The following NEDD1 variants were observed in gnomAD, a reference collection of about 807,000 sequenced individuals.
The protein encoded by NEDD1 is NEDD1 gamma-tubulin ring complex targeting factor.
A neutral mutation model predicts 74.0 loss-of-function variants in NEDD1; 33 were observed. That is an observed-to-expected ratio of 0.45 (90% confidence interval 0.34 to 0.60). The LOEUF is 0.60. Among genes scored for constraint, NEDD1 ranks in the 20% least tolerant of loss-of-function variants. The probability of loss-of-function intolerance (pLI) is 0.01; values close to 1 mark genes in which losing one functional copy is unlikely to be tolerated. For missense variants in NEDD1, 746 were observed against 776.5 expected (o/e 0.96, Z 0.47); for synonymous variants, 250 against 264.4 (o/e 0.95, Z 0.53).
At chr12:96,944,915 T>A (rs1243139227) in intron 13 of NEDD1, 120 bp downstream of exon 13, 5 of 699,146 alleles carry the variant, frequency 7.2e-6, no homozygotes, top group African/African-American at 1.9e-5. Context: ...GAGTTTAAAG[T>A]TTGTGGACAC....
chr12:96,946,294 C>A (rs1878195436), intron 14 of NEDD1, among the ~76,000 whole-genome samples: 1 of 152,110 alleles, frequency 6.6e-6, no homozygotes, highest in Admixed American at 6.6e-5. Flanking sequence ...AAAAAAAATT[C>A]TTTCTCAGAC....
intron 6 of NEDD1, among the ~76,000 whole-genome samples, chr12:96,922,002 G>A (rs1706426825): frequency 6.6e-6 from 1 of 152,138 alleles, no homozygotes; most frequent in African/African-American, 2.4e-5. Flanking sequence ...GGACCAATGT[G>A]AGAAAAGATT....
rs557249566 is a variant in NEDD1 at position 96,945,720 on chromosome 12, C to T, written c.1682C>T (p.Ala561Val). The T allele has an allele frequency of 4.4e-6, 7 of 1,603,588 alleles. No individual in the cohort carries two copies. The South Asian group carries it at 7.7e-5, about 18-fold the overall frequency. ...CCAAAGATAGCATCTTCTGTCACTGCTGGAGTTGCCAGTTCACTCTCAGAA... is the reference window on the plus strand; with the variant it reads ...CCAAAGATAGCATCTTCTGTCACTGTTGGAGTTGCCAGTTCACTCTCAGAA... Reference protein sequence around the residue: ...PNPKIASSVTAGVASSLSEKI... With the variant: ...PNPKIASSVTVGVASSLSEKI... The change falls in exon 14 of 16, where the codon GCT becomes GTT. Residue 561 changes from alanine to valine, a missense_variant. By Grantham distance (64) the Ala-to-Val change is moderately conservative. This residue lies in a region of NEDD1 where 706 missense variants were observed against 706.7 expected (regional missense o/e 1.00). Transcript: ENST00000266742.
chr12:96,914,583 G>A (rs1178924537), intron 4 of NEDD1, among the ~76,000 whole-genome samples: 1 of 152,018 alleles, frequency 6.6e-6, no homozygotes, highest in Non-Finnish European at 1.5e-5. Context: ...ATATTAATGT[G>A]CTAATAACCT....
rs970765284 is a variant in NEDD1 at position 96,920,991 on chromosome 12, T to C, written c.489+866T>C. Among the ~76,000 whole-genome samples the C allele has an allele frequency of 2.0e-5, 3 of 152,316 alleles. No homozygotes were observed. The East Asian group carries it at 5.8e-4, about 29-fold the overall frequency. On this transcript the variant is annotated intron_variant, in intron 6 of 15. Coordinates refer to ENST00000266742, the MANE Select transcript of NEDD1 (RefSeq NM_152905.4). ...TAAATGGTATTATGAGTAAGTGATATAAAACAGTCTTATGGTGATTCAGAA... is the reference window on the plus strand; with the variant it reads ...TAAATGGTATTATGAGTAAGTGATACAAAACAGTCTTATGGTGATTCAGAA...
chr12:96,937,441 GT>G (rs67367047), intron 9 of NEDD1, 48 bp downstream of exon 9: 459,857 of 1,027,588 alleles, frequency 0.45, 97,349 homozygotes, highest in African/African-American at 0.55. Context: ...TTTTTTTTTT[GT>G]TTTTTTGTTT....
At chr12:96,931,880 G>A (rs1876511610) in intron 6 of NEDD1, among the ~76,000 whole-genome samples, 1 of 151,916 alleles carries the variant, frequency 6.6e-6, no homozygotes, top group South Asian at 2.1e-4. Context: ...GTGGGATTAT[G>A]GATGGTTTTT....
chr12:96,947,062 A>G (rs1040294331), intron 14 of NEDD1, among the ~76,000 whole-genome samples: 3 of 152,166 alleles, frequency 2.0e-5, no homozygotes, highest in Non-Finnish European at 4.4e-5. Context: ...TTAGATTTTT[A>G]CTATGTCTTT....
chr12:96,947,252 A>G (rs1032900823), intron 14 of NEDD1, among the ~76,000 whole-genome samples: 1 of 152,164 alleles, frequency 6.6e-6, no homozygotes, highest in Admixed American at 6.5e-5. Flanking sequence ...ATGGCATAAT[A>G]GTAGAACTGT....
chr12:96,946,521 C>T (rs936193472), intron 14 of NEDD1, among the ~76,000 whole-genome samples: 2 of 152,096 alleles, frequency 1.3e-5, no homozygotes, highest in African/African-American at 2.4e-5. Flanking sequence ...TTTGTTGGTG[C>T]ATGCTTCCTT....
In NEDD1 at chr12:96,951,435, A is replaced by G. The variant is rs1878696834; in HGVS notation, c.1815A>G (p.Glu605=). 6.4e-7 allele frequency: 1 copy of G among 1,550,556 alleles called. No homozygotes were observed. Among genetic ancestry groups the G allele is most frequent in the Admixed American group, 1.7e-5 (1 of 58,280 alleles). The part of the protein sequence containing the change: ...MIQETLDDFR[E]ACHRDIVNLQ... ...AAGTATTTTACATTCTTCCTAGAGA[A>G]GCATGCCATAGGGACATTGTGAATT... The change falls in exon 15 of 16, where the codon GAA becomes GAG. Residue 605 remains glutamate, a synonymous_variant. Transcript: ENST00000266742.
intron 8 of NEDD1, among the ~76,000 whole-genome samples, 176 bp from the exon 9 acceptor site, chr12:96,937,020 CTT>C (rs1877179133): frequency 6.7e-6 from 1 of 149,784 alleles, no homozygotes; most frequent in Admixed American, 6.7e-5. Context: ...ATATATCTCT[CTT>C]TTTAAAAGTA....
intron 1 of NEDD1, 85 bp from the exon 2 acceptor site, chr12:96,907,519 G>T: frequency 2.7e-6 from 3 of 1,118,850 alleles, no homozygotes; most frequent in Admixed American, 2.0e-5. Flanking sequence ...GGAGCCTTGT[G>T]GGGTGTGCTG....
chr12:96,952,060 A>G lies in NEDD1; in HGVS notation c.*7A>G. 2.1e-6 allele frequency: 3 copies of G among 1,416,750 alleles called. No individual in the cohort carries two copies. Among genetic ancestry groups the G allele is most frequent in the African/African-American group, 1.4e-5 (1 of 71,090 alleles). The allele number at this position is 1,416,750 out of a possible 1,614,324, so 87.8% of individuals were successfully genotyped here. The stretch of plus-strand genomic sequence containing the variant: ...ATTACGGGCCCACTTTTGAAATTTC[A>G]GTGAATACCTTAATGTTCTGTAATT... On this transcript the variant is annotated 3_prime_UTR_variant, in exon 16 of 16. Coordinates refer to ENST00000266742, the MANE Select transcript of NEDD1 (RefSeq NM_152905.4).
chr12:96,921,678 C>A (rs200130884), intron 6 of NEDD1, among the ~76,000 whole-genome samples: 1 of 138,844 alleles, frequency 7.2e-6, no homozygotes, highest in Non-Finnish European at 1.6e-5. Context: ...TTTTTTCTTT[C>A]TTAGAGAGTC....
At chr12:96,932,424 T>G (rs1424159861) in intron 6 of NEDD1, among the ~76,000 whole-genome samples, 2 of 53,686 alleles carry the variant, frequency 3.7e-5, no homozygotes, top group Non-Finnish European at 7.3e-5. Context: ...CTGGGCAAAA[T>G]GGCAAAATCC....
intron 4 of NEDD1, among the ~76,000 whole-genome samples, chr12:96,916,700 A>G (rs1044083619): frequency 1.3e-5 from 2 of 151,398 alleles, no homozygotes; most frequent in African/African-American, 2.4e-5. Flanking sequence ...ATTGTGAGTA[A>G]TGCCGCAATA....
chr12:96,908,128 G>C (rs1297286541), intron 2 of NEDD1, among the ~76,000 whole-genome samples: 2 of 152,162 alleles, frequency 1.3e-5, no homozygotes, highest in Non-Finnish European at 2.9e-5. Context: ...AACCAAGGGG[G>C]CACGTGTTAC....
intron 6 of NEDD1, among the ~76,000 whole-genome samples, chr12:96,929,508 T>C (rs975064406): frequency 6.0e-5 from 9 of 149,040 alleles, no homozygotes; most frequent in South Asian, 2.1e-4. Context: ...CAAAAGGAGG[T>C]CAAAGTGGCT....
Sources: allele counts gnomAD v4.1 joint callset (sites outside exome capture counted in the v4.1 genomes callset), GRCh38; gene constraint gnomAD v4.1.1; regional missense constraint gnomAD v4.1.1; transcripts MANE v1.5; gene names NCBI Gene and HGNC (gene_info 2026-07-23, HGNC 2026-07-21).